The following GNA14 variants were observed in gnomAD, a reference collection of about 807,000 sequenced individuals.
GNA14 encodes the protein guanine nucleotide-binding protein subunit alpha-14.
In GNA14, 50 loss-of-function variants were observed where a neutral mutation model predicts 42.0. That is an observed-to-expected ratio of 1.19 (90% CI 0.95 to 1.51). The LOEUF is 1.51. GNA14 is among the 40% of genes most tolerant of loss of function. The pLI is 0.00. For missense variants in GNA14, 473 were observed against 446.2 expected, an observed-to-expected ratio of 1.06 and a Z score of -0.54; for synonymous variants, 173 against 163.1, an observed-to-expected ratio of 1.06 and a Z score of -0.46.
intron 2 of GNA14, among the ~76,000 whole-genome samples, chr9:77,476,346 G>A (rs931363255): frequency 6.6e-6 from 1 of 152,144 alleles, no homozygotes; most frequent in African/African-American, 2.4e-5. Flanking sequence ...ATGAGGGGGA[G>A]GCGCCCTGAG....
chr9:77,574,504 A>G (rs1449567360), intron 1 of GNA14, among the ~76,000 whole-genome samples: 1 of 152,238 alleles, frequency 6.6e-6, no homozygotes, highest in South Asian at 2.1e-4. Flanking sequence ...TGAAATTCAT[A>G]TATTACATAT....
chr9:77,609,876 T>G (rs1254850054), intron 1 of GNA14, among the ~76,000 whole-genome samples: 2 of 152,222 alleles, frequency 1.3e-5, no homozygotes, highest in Non-Finnish European at 2.9e-5. Flanking sequence ...CTTTTTGAAA[T>G]GCAGGGAGGT....
chr9:77,605,428 G>T (rs745482982), intron 1 of GNA14, among the ~76,000 whole-genome samples: 1 of 152,188 alleles, frequency 6.6e-6, no homozygotes, highest in Non-Finnish European at 1.5e-5. Flanking sequence ...AATGACAGAG[G>T]CAGGAAGGTC....
intron 1 of GNA14, chr9:77,580,593 T>C: frequency 2.0e-6 from 1 of 500,126 alleles, no homozygotes; most frequent in Middle Eastern, 3.3e-4. Flanking sequence ...TTTGCACCAA[T>C]GACATGTTCA....
chr9:77,566,462 C>T (rs1822969815), intron 1 of GNA14, among the ~76,000 whole-genome samples: 1 of 152,108 alleles, frequency 6.6e-6, no homozygotes, highest in Non-Finnish European at 1.5e-5. Flanking sequence ...ACCAGGAGTG[C>T]TTCTTAAAGG....
intron 2 of GNA14, among the ~76,000 whole-genome samples, chr9:77,478,311 AATG>A (rs1465155162): frequency 2.6e-4 from 39 of 152,036 alleles, no homozygotes; most frequent in Non-Finnish European, 1.9e-4. Flanking sequence ...GTTTACTGAG[AATG>A]ATGATTTCCA....
At chr9:77,440,597 T>G (rs1384029157) in intron 2 of GNA14, among the ~76,000 whole-genome samples, 1 of 152,252 alleles carries the variant, frequency 6.6e-6, no homozygotes, top group African/African-American at 2.4e-5. Context: ...ATTTGGTGTT[T>G]TGATATATGT....
intron 1 of GNA14, among the ~76,000 whole-genome samples, chr9:77,646,783 G>A (rs73651578): frequency 0.012 from 1,842 of 152,350 alleles, 31 homozygotes; most frequent in African/African-American, 0.041. Flanking sequence ...TGTTGACAGC[G>A]TTCTAGAAAG....
intron 2 of GNA14, among the ~76,000 whole-genome samples, chr9:77,479,459 T>C (rs967437509): frequency 1.3e-5 from 2 of 152,232 alleles, no homozygotes; most frequent in African/African-American, 4.8e-5. Context: ...GGTAGCATGA[T>C]GCCTCCAGCT....
At chr9:77,556,937 G>A (rs1026789727) in intron 1 of GNA14, among the ~76,000 whole-genome samples, 1 of 152,166 alleles carries the variant, frequency 6.6e-6, no homozygotes, top group Admixed American at 6.5e-5. Context: ...ACATTTAGAA[G>A]TTACAAAATC....
intron 2 of GNA14, among the ~76,000 whole-genome samples, chr9:77,495,625 T>C (rs1053027997): frequency 4.6e-5 from 7 of 152,166 alleles, no homozygotes; most frequent in Non-Finnish European, 4.4e-5. Context: ...CAAAATTGAG[T>C]GATAGGTACA....
At chr9:77,518,129 A>G (rs531549193) in intron 2 of GNA14, 3 of 152,106 alleles carry the variant, frequency 2.0e-5, no homozygotes, top group Non-Finnish European at 4.4e-5. Flanking sequence ...AAATTTTGTA[A>G]TATCACCAGG....
chr9:77,451,511 G>A (rs1212395019), intron 2 of GNA14, among the ~76,000 whole-genome samples: 1 of 152,114 alleles, frequency 6.6e-6, no homozygotes, highest in African/African-American at 2.4e-5. Flanking sequence ...ATTCTAGGAT[G>A]GCCCTGAAAA....
chr9:77,454,917 C>G (rs1158046180), intron 2 of GNA14, among the ~76,000 whole-genome samples: 2 of 152,208 alleles, frequency 1.3e-5, no homozygotes, highest in Non-Finnish European at 2.9e-5. Flanking sequence ...TGAATCTATT[C>G]AAAGGCTGTG....
intron 2 of GNA14, among the ~76,000 whole-genome samples, chr9:77,468,679 T>C (rs893349290): frequency 5.3e-5 from 8 of 152,220 alleles, no homozygotes; most frequent in East Asian, 1.9e-4. Flanking sequence ...AGCAGCATCA[T>C]TTAATTGCTG....
intron 6 of GNA14, 113 bp downstream of exon 6, chr9:77,425,449 G>A: frequency 1.5e-6 from 1 of 686,028 alleles, no homozygotes. Flanking sequence ...TAGGGGGAGA[G>A]GCTATTGCAG....
chr9:77,570,702 C>T (rs1823046565), intron 1 of GNA14, among the ~76,000 whole-genome samples: 1 of 152,102 alleles, frequency 6.6e-6, no homozygotes, highest in African/African-American at 2.4e-5. Context: ...TATGCACATT[C>T]ATGTACAAGT....
At chr9:77,569,210 T>C (rs1242202797) in intron 1 of GNA14, among the ~76,000 whole-genome samples, 1 of 152,070 alleles carries the variant, frequency 6.6e-6, no homozygotes, top group African/African-American at 2.4e-5. Flanking sequence ...AGAAGGTGTG[T>C]TGAACTTACT....
At chr9:77,515,960 C>CAA (rs1158448237) in intron 2 of GNA14, among the ~76,000 whole-genome samples, 1,273 of 51,728 alleles carry the variant, frequency 0.025, 80 homozygotes, top group African/African-American at 0.068. Flanking sequence ...CCCTGTCTCA[C>CAA]AAAAAAAAAA....
Sources: allele counts gnomAD v4.1 joint callset (sites outside exome capture counted in the v4.1 genomes callset), GRCh38; gene constraint gnomAD v4.1.1; transcripts MANE v1.5; gene names NCBI Gene and HGNC (gene_info 2026-07-23, HGNC 2026-07-21).